The following KLF13 variants were observed in gnomAD, a reference collection of about 807,000 sequenced individuals.
The protein encoded by KLF13 is Krueppel-like factor 13.
Under a neutral mutation model 16.7 loss-of-function variants are expected in KLF13, and 8 were observed. The observed-to-expected ratio is 0.48, with a 90% confidence interval of 0.28 to 0.87. The LOEUF (loss-of-function observed/expected upper bound fraction) is 0.87. KLF13 is among the 40% of genes least tolerant of loss of function. KLF13 has a pLI of 0.10. For missense variants in KLF13, 447 were observed against 452.2 expected (o/e 0.99, Z 0.10); for synonymous variants, 245 against 208.4 (o/e 1.18, Z -1.51).
At chr15:31,328,637 G>A (rs545466093) in intron 1 of KLF13, among the ~76,000 whole-genome samples, 70 of 152,030 alleles carry the variant, frequency 4.6e-4, no homozygotes, top group Non-Finnish European at 6.5e-4. Flanking sequence ...GGCGGGCGCT[G>A]AGCCTCCAGC....
intron 1 of KLF13, among the ~76,000 whole-genome samples, chr15:31,331,300 G>A (rs1034383986): frequency 2.6e-5 from 4 of 152,202 alleles, no homozygotes; most frequent in East Asian, 3.8e-4. Flanking sequence ...TGGTCACCTG[G>A]CCCTGTTTGG....
chr15:31,396,715 G>A (rs2039956105), intron 2 of KLF13, among the ~76,000 whole-genome samples: 1 of 152,182 alleles, frequency 6.6e-6, no homozygotes, highest in South Asian at 2.1e-4. Context: ...ATCCCCAGAA[G>A]CAACTTGGGA....
intron 1 of KLF13, among the ~76,000 whole-genome samples, chr15:31,332,161 A>G (rs563924513): frequency 2.0e-5 from 3 of 152,262 alleles, no homozygotes; most frequent in South Asian, 2.1e-4. Context: ...TAGTGGTGGT[A>G]TTGACAGGGT....
downstream of KLF13, among the ~76,000 whole-genome samples, chr15:31,380,945 A>G (rs1435336289): frequency 6.6e-6 from 1 of 152,196 alleles, no homozygotes; most frequent in African/African-American, 2.4e-5. Flanking sequence ...AGGCCAAGGC[A>G]GGCAGATCAC....
At chr15:31,381,993 G>A (rs1010322379), downstream of KLF13, among the ~76,000 whole-genome samples, 7 of 152,158 alleles carry the variant, frequency 4.6e-5, no homozygotes, top group South Asian at 1.2e-3. Flanking sequence ...GTCTTTTCCT[G>A]AGCCTTGCCT....
intron 1 of KLF13, among the ~76,000 whole-genome samples, chr15:31,371,044 G>C (rs1197794015): frequency 6.6e-6 from 1 of 152,128 alleles, no homozygotes; most frequent in Non-Finnish European, 1.5e-5. Flanking sequence ...GGTGAGAGGG[G>C]ATGAGACCGT....
At chr15:31,389,344 C>T (rs1028961458), upstream of KLF13, among the ~76,000 whole-genome samples, 4 of 152,140 alleles carry the variant, frequency 2.6e-5, no homozygotes, top group South Asian at 4.1e-4. Context: ...GGCTTCTTCT[C>T]GTCAACAGGC....
intron 1 of KLF13, among the ~76,000 whole-genome samples, chr15:31,348,918 G>A (rs2039171165): frequency 6.6e-6 from 1 of 152,120 alleles, no homozygotes; most frequent in South Asian, 2.1e-4. Flanking sequence ...CATAGTAGAG[G>A]GAGCAAAGGG....
intron 1 of KLF13, among the ~76,000 whole-genome samples, chr15:31,346,015 T>C (rs999793741): frequency 2.6e-5 from 4 of 152,170 alleles, no homozygotes; most frequent in African/African-American, 9.6e-5. Context: ...TGTGCCCCTC[T>C]GTGCCGGCAT....
intron 1 of KLF13, among the ~76,000 whole-genome samples, chr15:31,354,845 A>G (rs1221086010): frequency 1.3e-5 from 2 of 152,158 alleles, no homozygotes; most frequent in African/African-American, 2.4e-5. Flanking sequence ...CCCAGATGCA[A>G]TATCAATTTG....
chr15:31,424,875 T>TCACACA (rs71110875), intron 1 of KLF13, among the ~76,000 whole-genome samples: 8,898 of 146,058 alleles, frequency 0.061, 278 homozygotes, highest in Middle Eastern at 0.069. Context: ...TCTAGAGATT[T>TCACACA]CACACACACA....
chr15:31,355,478 T>A (rs1346593669), intron 1 of KLF13, among the ~76,000 whole-genome samples: 1 of 152,188 alleles, frequency 6.6e-6, no homozygotes, highest in Non-Finnish European at 1.5e-5. Context: ...TTTCTGTACG[T>A]TCATTGTGAT....
intron 1 of KLF13, among the ~76,000 whole-genome samples, chr15:31,371,169 G>A (rs2039549745): frequency 6.6e-6 from 1 of 152,152 alleles, no homozygotes. Flanking sequence ...GTGATTCAGA[G>A]TTTTGTGTGT....
At chr15:31,423,193 A>C (rs2040365965) in intron 1 of KLF13, among the ~76,000 whole-genome samples, 1 of 138,260 alleles carries the variant, frequency 7.2e-6, no homozygotes, top group Non-Finnish European at 1.6e-5. Flanking sequence ...ACGTATATAT[A>C]TATATCAGTA....
chr15:31,412,419 C>A (rs2040206209), intron 1 of KLF13, among the ~76,000 whole-genome samples: 1 of 151,636 alleles, frequency 6.6e-6, no homozygotes, highest in African/African-American at 2.4e-5. Flanking sequence ...AATAATTTGC[C>A]TCTAGTAACA....
chr15:31,423,164 T>TATATATACGTATATATACGTATATATAC (rs371896440), intron 1 of KLF13, among the ~76,000 whole-genome samples: 1 of 25,356 alleles, frequency 3.9e-5, no homozygotes, highest in East Asian at 1.1e-3. Flanking sequence ...CGTATATATA[T>TATATATACGTATATATACGTATATATAC]GTATATATAT....
At chr15:31,346,039 G>A (rs1244191167) in intron 1 of KLF13, among the ~76,000 whole-genome samples, 1 of 152,010 alleles carries the variant, frequency 6.6e-6, no homozygotes, top group Non-Finnish European at 1.5e-5. Flanking sequence ...GCTCAGGCAT[G>A]CGTGAGCCCC....
chr15:31,368,225 C>T (rs932199879), intron 1 of KLF13, among the ~76,000 whole-genome samples: 20 of 152,168 alleles, frequency 1.3e-4, no homozygotes, highest in African/African-American at 4.1e-4. Flanking sequence ...GCTGGCAGCA[C>T]GGAGCTTTTT....
chr15:31,382,899 A>C (rs1430430933), downstream of KLF13, among the ~76,000 whole-genome samples: 1 of 152,230 alleles, frequency 6.6e-6, no homozygotes, highest in East Asian at 1.9e-4. Flanking sequence ...AGCACATGAT[A>C]GGCCCAAGGA....
Sources: gnomAD v4.1 joint callset for allele counts (sites outside exome capture counted in the v4.1 genomes callset) on GRCh38, gnomAD v4.1.1 for gene constraint, MANE v1.5 for transcripts, NCBI Gene and HGNC (gene_info 2026-07-23, HGNC 2026-07-21) for gene names.